ZNF679: variants seen among roughly 807,000 people sequenced by gnomAD.
The protein encoded by ZNF679 is hypothetical protein MGC42415.
Under a neutral mutation model 13.4 loss-of-function variants are expected in ZNF679, and 10 were observed. The ratio of observed to expected loss-of-function variants is 0.75; its 90% CI spans 0.46 to 1.27. ZNF679 has a LOEUF of 1.27. ZNF679 is among the 50% of genes most tolerant of loss of function. The pLI is 0.00. For missense variants in ZNF679, 525 were observed against 477.8 expected (o/e 1.10, Z -0.92); for synonymous variants, 179 against 162.5 (o/e 1.10, Z -0.77).
intron 1 of ZNF679, among the ~76,000 whole-genome samples, chr7:64,230,305 G>A (rs559716337): frequency 3.3e-5 from 5 of 151,714 alleles, no homozygotes; most frequent in East Asian, 1.9e-4. Context: ...AGGCCGAGGC[G>A]GGTGGATCAT....
At chr7:64,247,039 G>A (rs1007698261) in intron 1 of ZNF679, among the ~76,000 whole-genome samples, 1 of 152,180 alleles carries the variant, frequency 6.6e-6, no homozygotes, top group African/African-American at 2.4e-5. Context: ...ACTTTCTGAT[G>A]TTGCCATGGC....
At position 64,264,072 on chromosome 7, in the gene ZNF679, T is replaced by G. The variant is rs1468740523; in HGVS notation, c.263-1824T>G. 2.6e-5 allele frequency among the ~76,000 whole-genome samples: 4 copies of G among 152,250 alleles called. No individual in the cohort carries two copies. In the East Asian group the frequency reaches 7.7e-4, roughly 29 times the overall value. On this transcript the variant is annotated intron_variant, in intron 4 of 4. Transcript: ENST00000421025. ...TGTTATATATACTTATACATATAGA[T>G]AGACATAATAGTTATAGATTCCTAG...
rs1363176085 is a variant in ZNF679, at chr7:64,236,931, AAG to A, written c.-91+8281_-91+8282del. The stretch of plus-strand genomic sequence containing the variant: ...AAAAGAAAGAAAGAAAGAAGAAAGA[AAG>A]AAAGAAAGAAAGAAAGAAAGAAAGA... On this transcript the variant is annotated intron_variant, in intron 1 of 4. Coordinates refer to ENST00000421025, the MANE Select transcript of ZNF679 (RefSeq NM_153363.3). Among the ~76,000 whole-genome samples the A allele has an allele frequency of 4.7e-4, 19 of 40,802 alleles. No homozygotes were observed. The East Asian group carries it at 0.018, about 38-fold the overall frequency. The allele number at this position is 40,802 out of a possible 152,430, so 26.8% of individuals were successfully genotyped here.
At chr7:64,256,043 G>C (rs1195944435) in intron 2 of ZNF679, among the ~76,000 whole-genome samples, 1 of 152,090 alleles carries the variant, frequency 6.6e-6, no homozygotes, top group East Asian at 1.9e-4. Flanking sequence ...GTACCCAATA[G>C]ATTTTTTTTC....
At chr7:64,249,178 G>C in intron 2 of ZNF679, 22 bp downstream of exon 2, 1 of 1,614,050 alleles carries the variant, frequency 6.2e-7, no homozygotes, top group African/African-American at 1.3e-5. Flanking sequence ...GTCTGTCACC[G>C]TGAGAGAGGG....
chr7:64,249,203 G>A (rs747794749), intron 2 of ZNF679, 47 bp downstream of exon 2: 2 of 1,614,016 alleles, frequency 1.2e-6, no homozygotes, highest in South Asian at 2.2e-5. Flanking sequence ...GGGCTGGTTG[G>A]AACCGGCTGA....
chr7:64,245,921 G>A (rs566829079), intron 1 of ZNF679, among the ~76,000 whole-genome samples: 95 of 152,202 alleles, frequency 6.2e-4, no homozygotes, highest in African/African-American at 2.0e-3. Context: ...CAGGAGAATC[G>A]CTTGAACCTG....
chr7:64,231,216 T>C (rs1205477379), intron 1 of ZNF679, among the ~76,000 whole-genome samples: 6 of 152,222 alleles, frequency 3.9e-5, no homozygotes, highest in Non-Finnish European at 7.3e-5. Context: ...CAAAATCTTT[T>C]CTATTGTCTT....
chr7:64,263,780 A>G (rs769748268), intron 4 of ZNF679, among the ~76,000 whole-genome samples: 1 of 152,188 alleles, frequency 6.6e-6, no homozygotes, highest in African/African-American at 2.4e-5. Flanking sequence ...GTGCTGGCAT[A>G]TACATCTTGT....
chr7:64,238,354 G>A (rs965539200), intron 1 of ZNF679, among the ~76,000 whole-genome samples: 12 of 151,954 alleles, frequency 7.9e-5, no homozygotes, highest in African/African-American at 1.2e-4. Context: ...ACTTTGAGAC[G>A]TATGTAGCTA....
At chr7:64,236,859 GAAAAA>G (rs1223079498) in intron 1 of ZNF679, among the ~76,000 whole-genome samples, 1 of 104,372 alleles carries the variant, frequency 9.6e-6, no homozygotes, top group Non-Finnish European at 2.1e-5. Flanking sequence ...ACAAAAGAAA[GAAAAA>G]AAGAAAGAAG....
intron 1 of ZNF679, among the ~76,000 whole-genome samples, chr7:64,238,884 T>C (rs1787759597): frequency 2.6e-5 from 4 of 152,132 alleles, no homozygotes. Context: ...TGACCCAGCT[T>C]ACAGGCATTA....
Position 64,260,197 on chromosome 7 carries a change from T to G in ZNF679, c.40-24T>G, listed in dbSNP as rs192639842. The G allele has an allele frequency of 7.5e-5, 119 of 1,583,732 alleles. No individual in the cohort carries two copies. In the African/African-American group the frequency reaches 1.4e-3, roughly 18 times the overall value. ...GTGTTTGTGTGTTCATGAGTGTTTT[T>G]TTGTTGTTGTTATTGTTTTTCAGGG... On this transcript the variant is annotated intron_variant, in intron 2 of 4. Coordinates refer to ENST00000421025, the MANE Select transcript of ZNF679 (RefSeq NM_153363.3).
chr7:64,260,366 C>T lies in ZNF679; in HGVS notation c.166+19C>T. The T allele has an allele frequency of 6.3e-7, 1 of 1,589,770 alleles. No individual in the cohort carries two copies. Among genetic ancestry groups the T allele is most frequent in the Non-Finnish European group, 8.5e-7 (1 of 1,174,036 alleles). On this transcript the variant is annotated intron_variant, in intron 3 of 4. Coordinates refer to ENST00000421025, the MANE Select transcript of ZNF679 (RefSeq NM_153363.3). The stretch of plus-strand genomic sequence containing the variant: ...TCCCTGGGTGAGGATAACTTCAATA[C>T]ACAATTCCTAATATATTTCTTTTCT...
At position 64,265,559 on chromosome 7, in the gene ZNF679, G is replaced by T. The variant is rs1271862287; in HGVS notation, c.263-337G>T. On this transcript the variant is annotated intron_variant, in intron 4 of 4. Transcript: ENST00000421025. ...GGTGCCAGTATTTTTCTGGTCTTTTGTAATAAAAGCCAGTTTACTCCTAAA... is the reference window on the plus strand; with the variant it reads ...GGTGCCAGTATTTTTCTGGTCTTTTTTAATAAAAGCCAGTTTACTCCTAAA... 4.6e-5 allele frequency among the ~76,000 whole-genome samples: 7 copies of T among 152,218 alleles called. No individual in the cohort carries two copies. In the South Asian group the frequency reaches 1.2e-3, roughly 27 times the overall value.
intron 1 of ZNF679, among the ~76,000 whole-genome samples, chr7:64,244,165 GC>G (rs1336883977): frequency 6.6e-6 from 1 of 152,096 alleles, no homozygotes; most frequent in Non-Finnish European, 1.5e-5. Flanking sequence ...CAGGAAAATT[GC>G]TTGATCCCGG....
intron 1 of ZNF679, among the ~76,000 whole-genome samples, chr7:64,239,477 C>T (rs1476883809): frequency 6.6e-6 from 1 of 152,174 alleles, no homozygotes; most frequent in African/African-American, 2.4e-5. Context: ...CTACCTAGAA[C>T]CTTAGTAATT....
intron 1 of ZNF679, among the ~76,000 whole-genome samples, chr7:64,232,325 T>C (rs1372987537): frequency 6.6e-6 from 1 of 152,218 alleles, no homozygotes; most frequent in Non-Finnish European, 1.5e-5. Context: ...CCAAGGTCTT[T>C]GTAAAATATG....
At chr7:64,230,428 G>A (rs1031337623) in intron 1 of ZNF679, among the ~76,000 whole-genome samples, 1 of 151,894 alleles carries the variant, frequency 6.6e-6, no homozygotes, top group African/African-American at 2.4e-5. Flanking sequence ...AGCTACTGGG[G>A]AGGCTGAGGC....
Sources: gnomAD v4.1 joint callset for allele counts (sites outside exome capture counted in the v4.1 genomes callset) on GRCh38, gnomAD v4.1.1 for gene constraint, MANE v1.5 for transcripts, NCBI Gene and HGNC (gene_info 2026-07-23, HGNC 2026-07-21) for gene names.